Variants in ABR observed in about 807,000 individuals in gnomAD.
The protein encoded by ABR is active breakpoint cluster region-related protein.
Under a neutral mutation model 107.2 loss-of-function variants are expected in ABR, and 35 were observed. The ratio of observed to expected loss-of-function variants is 0.33; its 90% CI spans 0.25 to 0.43. ABR has a LOEUF of 0.43. ABR is among the 20% of genes least tolerant of loss of function. The pLI is 1.00. For synonymous variants in ABR, 498 were observed against 462.0 expected (o/e 1.08, Z -1.00); for missense variants, 815 against 1,115.2 (o/e 0.73, Z 3.83).
rs1166356955 is a variant in ABR at position 1,056,978 on chromosome 17, C to G, written c.1486+20G>C. The G allele has an allele frequency of 6.3e-7, 1 of 1,578,626 alleles. No individual in the cohort carries two copies. The highest frequency in any genetic ancestry group is 8.7e-7 in the Non-Finnish European group (1 of 1,149,590). Reference sequence around the variant, plus strand: ...GGGCTGGGACCTGCCGGTTGGGCCACCTCTGGTTCCCGAGCTTACCGTCTT... The same window carrying G: ...GGGCTGGGACCTGCCGGTTGGGCCAGCTCTGGTTCCCGAGCTTACCGTCTT... On this transcript the variant is annotated intron_variant, in intron 13 of 22. Transcript: ENST00000302538.
chr17:1,066,496 C>G (rs1400522441), intron 10 of ABR, among the ~76,000 whole-genome samples: 1 of 152,042 alleles, frequency 6.6e-6, no homozygotes, highest in East Asian at 1.9e-4. Flanking sequence ...CTTACAAAAG[C>G]CTGCTTTTTC....
At chr17:1,081,418 C>T (rs2036229941) in intron 5 of ABR, among the ~76,000 whole-genome samples, 1 of 152,050 alleles carries the variant, frequency 6.6e-6, no homozygotes, top group Admixed American at 6.6e-5. Context: ...CCCCACCCTG[C>T]ACTTCGTCCT....
At chr17:1,220,774 A>AT (rs901582223) in intron 1 of ABR, among the ~76,000 whole-genome samples, 9 of 152,130 alleles carry the variant, frequency 5.9e-5, no homozygotes, top group Non-Finnish European at 5.9e-5. Context: ...CAGGGAATGT[A>AT]TTTTTTTCAC....
intron 21 of ABR, 69 bp downstream of exon 21, chr17:1,009,610 G>C (rs1398771959): frequency 9.1e-6 from 13 of 1,427,754 alleles, no homozygotes; most frequent in Non-Finnish European, 1.2e-5. Context: ...AGGTGGGGTT[G>C]GGGCCCCTCC....
At position 1,030,258 on chromosome 17, in the gene ABR, AC is replaced by A. The variant is rs1350825927; in HGVS notation, c.1792-17095del. On this transcript the variant is annotated intron_variant, in intron 16 of 22. Coordinates refer to ENST00000302538, the MANE Select transcript of ABR (RefSeq NM_021962.5). ...AAAAGTTGCCCCCTGCCCACCAGGCACCTCCTCAAAGGGGCAGGTAAACTGG... is the reference window on the plus strand; with the variant it reads ...AAAAGTTGCCCCCTGCCCACCAGGCACTCCTCAAAGGGGCAGGTAAACTGG... Among the ~76,000 whole-genome samples the A allele has an allele frequency of 6.6e-5, 10 of 152,246 alleles. No homozygotes were observed. In the South Asian group the frequency reaches 2.1e-3, roughly 32 times the overall value.
intron 1 of ABR, among the ~76,000 whole-genome samples, chr17:1,168,147 A>G (rs1028300821): frequency 6.6e-5 from 10 of 151,560 alleles, no homozygotes; most frequent in Admixed American, 4.6e-4. Flanking sequence ...TTAGCCGGGC[A>G]TGGTGGCGCA....
chr17:1,017,154 C>T (rs992568935), intron 16 of ABR, among the ~76,000 whole-genome samples: 13 of 152,106 alleles, frequency 8.5e-5, no homozygotes, highest in South Asian at 2.1e-4. Context: ...TCTTCACACA[C>T]GGGAAGCGTG....
intron 1 of ABR, among the ~76,000 whole-genome samples, chr17:1,141,911 A>T (rs2040302585): frequency 6.6e-6 from 1 of 151,960 alleles, no homozygotes; most frequent in Non-Finnish European, 1.5e-5. Context: ...GGTGCCCGCC[A>T]CCACGCCCGG....
intron 1 of ABR, among the ~76,000 whole-genome samples, chr17:1,173,939 C>G (rs2041838577): frequency 1.3e-5 from 2 of 152,234 alleles, no homozygotes; most frequent in African/African-American, 4.8e-5. Context: ...ACCTTCAAAG[C>G]ACTTTATAAA....
intron 3 of ABR, among the ~76,000 whole-genome samples, chr17:1,096,740 G>A (rs1255467457): frequency 6.9e-6 from 1 of 144,404 alleles, no homozygotes; most frequent in East Asian, 2.1e-4. Flanking sequence ...GCCCCGGGAG[G>A]AGAGAGCTGG....
intron 2 of ABR, among the ~76,000 whole-genome samples, chr17:1,110,341 A>ACC (rs751748069): frequency 8.2e-4 from 124 of 152,104 alleles, no homozygotes; most frequent in Non-Finnish European, 1.5e-3. Flanking sequence ...TGCAAACGGC[A>ACC]CCCATGAGGG....
At chr17:1,162,784 A>G (rs1485847882) in intron 1 of ABR, among the ~76,000 whole-genome samples, 1 of 151,356 alleles carries the variant, frequency 6.6e-6, no homozygotes, top group Non-Finnish European at 1.5e-5. Context: ...CAGCACTTTG[A>G]AAGGCTAGGC....
chr17:1,149,246 T>A (rs1163160345), intron 1 of ABR, among the ~76,000 whole-genome samples: 17 of 150,334 alleles, frequency 1.1e-4, no homozygotes, highest in South Asian at 4.2e-4. Flanking sequence ...AATCTAAATT[T>A]AAAAAAAAAG....
chr17:1,108,816 T>C, intron 2 of ABR: 1 of 1,319,482 alleles, frequency 7.6e-7, no homozygotes, highest in Non-Finnish European at 9.9e-7. Flanking sequence ...GCCGGGACCC[T>C]CCGCCGAGGG....
chr17:1,024,314 C>A (rs571423928), intron 16 of ABR, among the ~76,000 whole-genome samples: 1 of 152,176 alleles, frequency 6.6e-6, no homozygotes, highest in African/African-American at 2.4e-5. Context: ...AGGAGCCCGG[C>A]GTCTCCAGAC....
At chr17:1,175,399 G>T (rs1274640132) in intron 1 of ABR, among the ~76,000 whole-genome samples, 2 of 152,152 alleles carry the variant, frequency 1.3e-5, no homozygotes, top group African/African-American at 4.8e-5. Flanking sequence ...GCGAGAGAGC[G>T]AGACTCTGTC....
intron 16 of ABR, chr17:1,031,961 GC>G: frequency 1.2e-6 from 1 of 853,750 alleles, no homozygotes; most frequent in Non-Finnish European, 1.5e-6. Context: ...CGAGGCTGCA[GC>G]CCAGGCTGAG....
At chr17:1,105,226 C>G (rs1477335305) in intron 2 of ABR, among the ~76,000 whole-genome samples, 1 of 151,950 alleles carries the variant, frequency 6.6e-6, no homozygotes, top group African/African-American at 2.4e-5. Flanking sequence ...CCAGGCTGGT[C>G]TTGAACTCCT....
chr17:1,215,346 C>G (rs1192377537), intron 1 of ABR, among the ~76,000 whole-genome samples: 2 of 151,596 alleles, frequency 1.3e-5, no homozygotes, highest in African/African-American at 2.4e-5. Flanking sequence ...CTGCCTGATT[C>G]TCCTGCCTCA....
Sources: allele counts gnomAD v4.1 joint callset (sites outside exome capture counted in the v4.1 genomes callset), GRCh38; gene constraint gnomAD v4.1.1; transcripts MANE v1.5; gene names NCBI Gene and HGNC (gene_info 2026-07-23, HGNC 2026-07-21).